The following TRIM56 variants were observed in gnomAD, a reference collection of about 807,000 sequenced individuals.
TRIM56 encodes the protein tripartite motif containing 56, also known as E3 ubiquitin-protein ligase TRIM56.
TRIM56 carries 10 observed loss-of-function variants against 17.1 expected under a neutral mutation model. The observed-to-expected ratio is 0.58, with a 90% CI of 0.36 to 0.99. The LOEUF is 0.99. Among genes scored for constraint, TRIM56 ranks in the 50% least tolerant of loss-of-function variants. The pLI, the probability that TRIM56 is intolerant of heterozygous loss-of-function variation, is 0.01. For missense variants in TRIM56, 923 were observed against 1,052.3 expected (o/e 0.88, Z 1.70); for synonymous variants, 503 against 473.5 (o/e 1.06, Z -0.81).
chr7:101,094,265 T>C lies in TRIM56; in HGVS notation c.*4685T>C, dbSNP rs958715934. 3.3e-5 allele frequency: 5 copies of C among 152,218 alleles called. No individual in the cohort carries two copies. The highest frequency in any genetic ancestry group is 1.2e-4 in the African/African-American group (5 of 41,456). 9.4% of individuals were successfully genotyped at this position (152,218 alleles called of 1,614,324 possible). On this transcript the variant is annotated 3_prime_UTR_variant, in exon 3 of 3. Transcript: ENST00000306085. ...ATCAGGAATTATGATCAAATAGTGA[T>C]AGTAACAAGGAAAACATCTGTCTAA...
chr7:101,092,360 T>C lies in TRIM56; in HGVS notation c.*2780T>C, dbSNP rs187623845. The C allele has an allele frequency of 0.18, 30,384 of 166,736 alleles. 5,043 individuals carry two copies. Among genetic ancestry groups the C allele is most frequent in the African/African-American group, 0.47 (19,179 of 40,496 alleles). The allele number at this position is 166,736 out of a possible 1,614,324, so 10.3% of individuals were successfully genotyped here. On this transcript the variant is annotated 3_prime_UTR_variant, in exon 3 of 3. Coordinates refer to ENST00000306085, the MANE Select transcript of TRIM56 (RefSeq NM_030961.3). ...GAAGTGAGGAGTGTCTCTGCCCGGC[T>C]GCCCATCATCTGAGATGTGGGGAGC...
chr7:101,089,423 TCCTGGAC>T lies in TRIM56; in HGVS notation c.2114_2120del (p.Leu705ArgfsTer10), dbSNP rs779550456. The T allele has an allele frequency of 1.9e-5, 31 of 1,614,092 alleles. No individual in the cohort carries two copies. Among genetic ancestry groups the T allele is most frequent in the Non-Finnish European group, 2.1e-5 (25 of 1,180,032 alleles). The stretch of plus-strand genomic sequence containing the variant: ...CTTCGAGAAGTCAACAAGGTGGTGA[TCCTGGAC>T]CCGAAGGGGTCCCTCCTTGGAGACT... On this transcript the variant is annotated frameshift_variant, in exon 3 of 3. Transcript: ENST00000306085. LOFTEE classifies it high-confidence loss of function.
At position 101,088,683 on chromosome 7, in the gene TRIM56, C is replaced by T. The variant is rs1795503366; in HGVS notation, c.1371C>T (p.Pro457=). The stretch of plus-strand genomic sequence containing the variant: ...CCCAGCCCCACAGGGGTGGCAGACC[C>T]AACAAGAAGAAAAAGTTCAAAGGCA... ...GGPQPHRGGR[P]NKKKKFKGRL... is the part of the protein sequence containing the mutation. Residue 457 remains proline (P), a synonymous_variant, in exon 3 of 3, where the codon CCC becomes CCT. Coordinates refer to ENST00000306085, the MANE Select transcript of TRIM56 (RefSeq NM_030961.3). 1 of 1,613,920 alleles carries T rather than the reference C, an allele frequency of 6.2e-7. No individual in the cohort carries two copies. Among genetic ancestry groups the T allele is most frequent in the Admixed American group, 1.7e-5 (1 of 59,994 alleles).
rs541071615 is a variant in TRIM56 at position 101,087,108 on chromosome 7, T to C, written c.-62T>C. ...GAGGAGAAGGAGGAGGGCAGCTCCT[T>C]AGCTCAAGAGCAAGTGGCCCAAGGC... On this transcript the variant is annotated 5_prime_UTR_variant, in exon 2 of 3. The change abolishes the stop of an existing upstream ORF in the 5' untranslated region. Coordinates refer to ENST00000306085, the MANE Select transcript of TRIM56 (RefSeq NM_030961.3). 8.4e-6 allele frequency: 5 copies of C among 597,360 alleles called. No individual in the cohort carries two copies. In the South Asian group the frequency reaches 1.1e-4, roughly 13 times the overall value. 37.0% of individuals were successfully genotyped at this position (597,360 alleles called of 1,614,324 possible).
chr7:101,088,602 G>C lies in TRIM56; in HGVS notation c.1290G>C (p.Glu430Asp). Residue 430 changes from glutamate to aspartate, a missense_variant, in exon 3 of 3, where the codon GAG (glutamate) becomes GAC (aspartate). Physicochemically the swap from Glu to Asp is conservative, Grantham distance 45. This residue lies in a region of TRIM56 where 643 missense variants were observed against 665.6 expected (regional missense o/e 0.97). Transcript: ENST00000306085. ...AAAAAGCCCAGACAACCCGAGAAGA[G>C]GGAGCCCAGACCTTGGAGGAGGACA... is the stretch of plus-strand genomic sequence containing the variant. ...KEEKAQTTRE[E>D]GAQTLEEDRA... The C allele has an allele frequency of 1.2e-6, 2 of 1,612,990 alleles. No homozygotes were observed. The highest frequency in any genetic ancestry group is 2.2e-5 in the South Asian group (2 of 91,068).
Position 101,089,601 on chromosome 7 carries a change from G to A in TRIM56, c.*21G>A. The A allele has an allele frequency of 6.3e-7, 1 of 1,593,378 alleles. No individual in the cohort carries two copies. The highest frequency in any genetic ancestry group is 8.6e-7 in the Non-Finnish European group (1 of 1,165,836). ...GTTAAAGGGGCTAGGACTAGGGTGAGAGGGAGTGGGGAGGGAGAGGGCAGG... is the reference window on the plus strand; with the variant it reads ...GTTAAAGGGGCTAGGACTAGGGTGAAAGGGAGTGGGGAGGGAGAGGGCAGG... On this transcript the variant is annotated 3_prime_UTR_variant, in exon 3 of 3. Coordinates refer to ENST00000306085, the MANE Select transcript of TRIM56 (RefSeq NM_030961.3).
At chr7:101,086,025 G>A (rs921232520) in intron 1 of TRIM56, among the ~76,000 whole-genome samples, 2 of 152,158 alleles carry the variant, frequency 1.3e-5, no homozygotes, top group South Asian at 2.1e-4. Flanking sequence ...TTTTCTGCCC[G>A]CTCCAGAATC....
At position 101,092,502 on chromosome 7, in the gene TRIM56, C is replaced by T. The variant is rs554746445; in HGVS notation, c.*2922C>T. The stretch of plus-strand genomic sequence containing the variant: ...GCCCCGTCTGAGAAGTGAGGAGCCC[C>T]TCCGCCTGGCAGCCGCCCCGTCTGA... On this transcript the variant is annotated 3_prime_UTR_variant, in exon 3 of 3. Transcript: ENST00000306085. 5.3e-3 allele frequency: 893 copies of T among 167,086 alleles called. 7 individuals are homozygous for T. Among genetic ancestry groups the T allele is most frequent in the African/African-American group, 0.021 (836 of 39,374 alleles). 10.4% of individuals were successfully genotyped at this position (167,086 alleles called of 1,614,324 possible). A position where few individuals can be genotyped will look rare whatever the true frequency, so the allele number is the denominator to read the frequency against.
chr7:101,095,365 C>T lies in TRIM56; in HGVS notation c.*5785C>T, dbSNP rs1356636747. On this transcript the variant is annotated 3_prime_UTR_variant, in exon 3 of 3. Transcript: ENST00000306085. ...CTCCAGCCTGAGTGACAGAGCAAAA[C>T]CTGGTTTCCTAAGGGGGGGATAAAA... is the stretch of plus-strand genomic sequence containing the variant. 2 of 152,324 alleles carry T rather than the reference C, an allele frequency of 1.3e-5. No homozygotes were observed. Among genetic ancestry groups the T allele is most frequent in the African/African-American group, 4.8e-5 (2 of 41,402 alleles). The allele number at this position is 152,324 out of a possible 1,614,324, so 9.4% of individuals were successfully genotyped here.
chr7:101,096,803 G>T lies in TRIM56; in HGVS notation c.*7223G>T, dbSNP rs1026822363. 1 of 152,176 alleles carries T rather than the reference G, an allele frequency of 6.6e-6. No homozygotes were observed. Among genetic ancestry groups the T allele is most frequent in the African/African-American group, 2.4e-5 (1 of 41,438 alleles). The allele number at this position is 152,176 out of a possible 1,614,324, so 9.4% of individuals were successfully genotyped here. ...CTTCTCCTTCAGAGGAGACCATTTT[G>T]TTTTGCTTTCCAGCAGTTACTTGAA... On this transcript the variant is annotated 3_prime_UTR_variant, in exon 3 of 3. Coordinates refer to ENST00000306085, the MANE Select transcript of TRIM56 (RefSeq NM_030961.3).
rs377307394 is a variant in TRIM56 at position 101,087,445 on chromosome 7, C to T, written c.133C>T (p.Leu45=). The T allele has an allele frequency of 1.3e-5, 21 of 1,613,366 alleles. No homozygotes were observed. The African/African-American group carries it at 2.5e-4, about 19-fold the overall frequency. The stretch of plus-strand genomic sequence containing the variant: ...CCTGCATACCTACTGCCAAGACTGC[C>T]TGGCACAGCTGGCGGATGGCGGCCG... ...PCLHTYCQDC[L]AQLADGGRVR... The change falls in exon 3 of 3, where the codon CTG becomes TTG. Residue 45 remains leucine (L), a synonymous_variant. Transcript: ENST00000306085.
chr7:101,085,997 A>G (rs1285311251), intron 1 of TRIM56, among the ~76,000 whole-genome samples: 2 of 152,220 alleles, frequency 1.3e-5, no homozygotes, highest in African/African-American at 4.8e-5. Context: ...GAAGGGGACC[A>G]GCCCTTCCCC....
rs1795634197 is a variant in TRIM56, at chr7:101,094,992, G to A, written c.*5412G>A. 2.0e-5 allele frequency: 3 copies of A among 151,646 alleles called. No individual in the cohort carries two copies. The highest frequency in any genetic ancestry group is 4.2e-4 in the South Asian group (2 of 4,816). 9.4% of individuals were successfully genotyped at this position (151,646 alleles called of 1,614,324 possible). ...AAAGCTTTCCCACCTCCAAAACCTC[G>A]GCTTGTGGGGAATCTCCAGTAGGGG... On this transcript the variant is annotated 3_prime_UTR_variant, in exon 3 of 3. Coordinates refer to ENST00000306085, the MANE Select transcript of TRIM56 (RefSeq NM_030961.3).
chr7:101,086,022 C>A (rs1795443096), intron 1 of TRIM56, among the ~76,000 whole-genome samples: 1 of 152,172 alleles, frequency 6.6e-6, no homozygotes, highest in Non-Finnish European at 1.5e-5. Context: ...GTTTTTTCTG[C>A]CCGCTCCAGA....
rs1233240234 is a variant in TRIM56, at chr7:101,089,299, G to A, written c.1987G>A (p.Gly663Arg). The change falls in exon 3 of 3, where the codon GGG (glycine) becomes AGG (arginine). Residue 663 changes from glycine to arginine, a missense_variant. By Grantham distance (125) the Gly-to-Arg change is moderately radical. This residue lies in a region of TRIM56 where 182 missense variants were observed against 243.1 expected (regional missense o/e 0.75). Transcript: ENST00000306085. ...GCAGAATAGTGTGGTAATCTGTGAT[G>A]GGCTGGGCCAGGTGGTTGGGGAGTA... ...WQQNSVVICD[G>R]LGQVVGEYKG... The A allele has an allele frequency of 1.9e-6, 3 of 1,604,740 alleles. No individual in the cohort carries two copies. The highest frequency in any genetic ancestry group is 2.2e-5 in the East Asian group (1 of 44,634).
rs200421535 is a variant in TRIM56 at position 101,088,992 on chromosome 7, C to T, written c.1680C>T (p.Ser560=). Residue 560 remains serine, a synonymous_variant, in exon 3 of 3, where the codon AGC becomes AGT. Coordinates refer to ENST00000306085, the MANE Select transcript of TRIM56 (RefSeq NM_030961.3). The part of the protein sequence containing the change: ...CSPCSVAALQ[S]AVAFSASARL... The stretch of plus-strand genomic sequence containing the variant: ...CTTGCAGCGTGGCCGCCCTGCAGAG[C>T]GCGGTGGCCTTCTCCGCTAGCGCAC... 135 of 1,610,056 alleles carry T rather than the reference C, an allele frequency of 8.4e-5. No homozygotes were observed. The African/African-American group carries it at 1.5e-3, about 18-fold the overall frequency.
In TRIM56 at chr7:101,087,742, C is replaced by G. The variant is rs1225710213; in HGVS notation, c.430C>G (p.His144Asp). ...GHRCTRQTHT[H>D]RVVDLVGYRA... ...CCGCTGCACCCGCCAGACCCACACC[C>G]ACCGCGTGGTGGACCTGGTGGGCTA... Residue 144 changes from histidine (H) to aspartate (D), a missense_variant, in exon 3 of 3, where the codon CAC becomes GAC. By Grantham distance (81) the His-to-Asp change is moderately conservative. Transcript: ENST00000306085. 6.2e-7 allele frequency: 1 copy of G among 1,602,928 alleles called. No individual in the cohort carries two copies. Among genetic ancestry groups the G allele is most frequent in the Admixed American group, 1.7e-5 (1 of 59,514 alleles).
In TRIM56 at chr7:101,094,937, T is replaced by C. The variant is rs1396392853; in HGVS notation, c.*5357T>C. On this transcript the variant is annotated 3_prime_UTR_variant, in exon 3 of 3. Coordinates refer to ENST00000306085, the MANE Select transcript of TRIM56 (RefSeq NM_030961.3). ...AATGTCTGTGAAGTGAATTACTATC[T>C]AGACAAGGATGAGACTGGTATGACT... 1 of 151,904 alleles carries C rather than the reference T, an allele frequency of 6.6e-6. No individual in the cohort carries two copies. Among genetic ancestry groups the C allele is most frequent in the Non-Finnish European group, 1.5e-5 (1 of 68,020 alleles). The allele number at this position is 151,904 out of a possible 1,614,324, so 9.4% of individuals were successfully genotyped here.
Position 101,088,952 on chromosome 7 carries a change from C to T in TRIM56, c.1640C>T (p.Pro547Leu). ...GACTACAAGGGCACCGTGCCGGTCC[C>T]TGAGGGCTGCTCCCCTTGCAGCGTG... Reference protein sequence around the residue: ...NGDYKGTVPVPEGCSPCSVAA... With the variant: ...NGDYKGTVPVLEGCSPCSVAA... The change falls in exon 3 of 3, where the codon CCT becomes CTT. Residue 547 changes from proline (P) to leucine (L), a missense_variant. Physicochemically the swap from Pro to Leu is moderately conservative, Grantham distance 98 (BLOSUM62 -3). This residue lies in a region of TRIM56 where 643 missense variants were observed against 665.6 expected (regional missense o/e 0.97). Transcript: ENST00000306085. The T allele has an allele frequency of 3.7e-6, 6 of 1,613,272 alleles. No individual in the cohort carries two copies. The highest frequency in any genetic ancestry group is 5.1e-6 in the Non-Finnish European group (6 of 1,180,030).
Sources: allele counts gnomAD v4.1 joint callset (sites outside exome capture counted in the v4.1 genomes callset), GRCh38; gene constraint gnomAD v4.1.1; regional missense constraint gnomAD v4.1.1; transcripts MANE v1.5; gene names NCBI Gene and HGNC (gene_info 2026-07-23, HGNC 2026-07-21).